RHOBTB1: variants seen among roughly 807,000 people sequenced by gnomAD.
RHOBTB1 encodes the protein Rho related BTB domain containing 1.
Under a neutral mutation model 71.6 loss-of-function variants are expected in RHOBTB1, and 40 were observed. The ratio of observed to expected loss-of-function variants is 0.56; its 90% CI spans 0.43 to 0.73. The LOEUF (loss-of-function observed/expected upper bound fraction) is 0.73. Ranked by LOEUF, RHOBTB1 falls within the 30% of genes least tolerant of loss-of-function variation. The pLI is 0.00. For synonymous variants in RHOBTB1, 319 were observed against 334.9 expected (o/e 0.95, Z 0.52); for missense variants, 797 against 894.0 (o/e 0.89, Z 1.38).
At chr10:60,879,890 G>T (rs1025036035) in intron 7 of RHOBTB1, among the ~76,000 whole-genome samples, 1 of 152,008 alleles carries the variant, frequency 6.6e-6, no homozygotes, top group African/African-American at 2.4e-5. Flanking sequence ...ACCAACTGTA[G>T]ATCAAAAATA....
At position 60,888,764 on chromosome 10, in the gene RHOBTB1, C is replaced by T. The variant is rs1415046350; in HGVS notation, c.904G>A (p.Glu302Lys). 1 of 1,614,066 alleles carries T rather than the reference C, an allele frequency of 6.2e-7. No homozygotes were observed. The highest frequency in any genetic ancestry group is 8.5e-7 in the Non-Finnish European group (1 of 1,180,034). Residue 302 changes from glutamate (E) to lysine (K), a missense_variant, in exon 6 of 11, where the codon GAA (glutamate) becomes AAA (lysine). Transcript: ENST00000337910. Reference protein sequence around the residue: ...FYDLFLMECEESPNGSEGACE... With the variant: ...FYDLFLMECEKSPNGSEGACE... ...GCTCCTTCACTCCCATTTGGGGATT[C>T]TTCACATTCCATTAAAAACAGATCA...
chr10:60,906,791 A>C (rs1252252674), intron 4 of RHOBTB1, among the ~76,000 whole-genome samples: 1 of 152,076 alleles, frequency 6.6e-6, no homozygotes, highest in Non-Finnish European at 1.5e-5. Context: ...CAATGAAGGA[A>C]ATTTTATAGG....
intron 5 of RHOBTB1, among the ~76,000 whole-genome samples, chr10:60,890,220 T>C (rs927685588): frequency 6.6e-6 from 1 of 152,050 alleles, no homozygotes; most frequent in African/African-American, 2.4e-5. Flanking sequence ...TTTGCCTTCT[T>C]TTTTCCTCCA....
chr10:60,957,246 C>T (rs148508448), intron 2 of RHOBTB1, among the ~76,000 whole-genome samples: 145 of 152,222 alleles, frequency 9.5e-4, no homozygotes, highest in African/African-American at 3.3e-3. Flanking sequence ...CCTTGTTATC[C>T]TTATCAAATA....
chr10:60,944,370 T>A (rs2085119759), upstream of RHOBTB1: 1 of 152,244 alleles, frequency 6.6e-6, no homozygotes, highest in African/African-American at 2.4e-5. Context: ...CACGATTGGA[T>A]TTCATTCATG....
chr10:60,878,142 C>A, intron 7 of RHOBTB1, 84 bp from the exon 8 acceptor site: 1 of 1,091,254 alleles, frequency 9.2e-7, no homozygotes, highest in African/African-American at 1.6e-5. Flanking sequence ...TATAAATATC[C>A]TGTGTGACTT....
chr10:60,902,268 C>G (rs1051640262), intron 4 of RHOBTB1, among the ~76,000 whole-genome samples: 1 of 152,194 alleles, frequency 6.6e-6, no homozygotes, highest in East Asian at 1.9e-4. Flanking sequence ...TACAGAATCC[C>G]TAAACTTCCA....
chr10:60,868,647 C>G (rs1351732580), downstream of RHOBTB1, among the ~76,000 whole-genome samples: 1 of 152,090 alleles, frequency 6.6e-6, no homozygotes, highest in Non-Finnish European at 1.5e-5. Context: ...CTGTGGTTCT[C>G]AAAATGCCAG....
intron 2 of RHOBTB1, among the ~76,000 whole-genome samples, chr10:60,957,037 T>C (rs1262864210): frequency 6.6e-6 from 1 of 152,218 alleles, no homozygotes; most frequent in African/African-American, 2.4e-5. Context: ...CATTTTGCTA[T>C]ATTTATAACA....
At chr10:60,998,488 C>T (rs1324486013) in intron 1 of RHOBTB1, among the ~76,000 whole-genome samples, 2 of 152,056 alleles carry the variant, frequency 1.3e-5, no homozygotes, top group Middle Eastern at 3.2e-3. Flanking sequence ...TAAGAGACTT[C>T]GGTTTGTAAT....
chr10:60,868,451 G>GT (rs1303034689), downstream of RHOBTB1, among the ~76,000 whole-genome samples: 1 of 152,120 alleles, frequency 6.6e-6, no homozygotes, highest in Non-Finnish European at 1.5e-5. Context: ...GATTCACTTT[G>GT]TTTTTTCCCT....
intron 2 of RHOBTB1, among the ~76,000 whole-genome samples, chr10:60,931,791 A>G (rs1421589436): frequency 2.0e-5 from 3 of 152,176 alleles, no homozygotes; most frequent in African/African-American, 7.2e-5. Flanking sequence ...ACAGGAATCA[A>G]AATGATGTTT....
chr10:60,944,598 C>A (rs988785260), upstream of RHOBTB1, among the ~76,000 whole-genome samples: 1 of 152,274 alleles, frequency 6.6e-6, no homozygotes, highest in African/African-American at 2.4e-5. Context: ...CACTCCCGTG[C>A]CTTTGCTGGC....
chr10:61,000,639 T>C (rs1272166427), intron 1 of RHOBTB1, among the ~76,000 whole-genome samples: 1 of 152,092 alleles, frequency 6.6e-6, no homozygotes, highest in Non-Finnish European at 1.5e-5. Flanking sequence ...AAAATAAAAC[T>C]CAATTTAAAC....
chr10:60,923,607 G>C (rs1017060098), intron 2 of RHOBTB1, among the ~76,000 whole-genome samples: 2 of 152,160 alleles, frequency 1.3e-5, no homozygotes, highest in African/African-American at 4.8e-5. Context: ...GCAATCTCTT[G>C]AATAGTATGC....
intron 2 of RHOBTB1, among the ~76,000 whole-genome samples, chr10:60,924,239 G>A (rs1188532001): frequency 2.0e-5 from 3 of 150,146 alleles, no homozygotes; most frequent in Non-Finnish European, 4.4e-5. Context: ...TGATACGAAT[G>A]ACTATAAATT....
At chr10:60,912,387 C>A (rs535532303) in intron 2 of RHOBTB1, among the ~76,000 whole-genome samples, 2 of 152,240 alleles carry the variant, frequency 1.3e-5, no homozygotes, top group South Asian at 4.2e-4. Flanking sequence ...GTGCCCACCA[C>A]CATGCCCGGC....
chr10:60,927,644 G>A (rs369609309), intron 2 of RHOBTB1, among the ~76,000 whole-genome samples: 8 of 152,266 alleles, frequency 5.3e-5, no homozygotes, highest in African/African-American at 1.9e-4. Flanking sequence ...ATGATGCTGG[G>A]AAAACTGGCT....
At chr10:60,926,882 C>T (rs1167579122) in intron 2 of RHOBTB1, among the ~76,000 whole-genome samples, 1 of 152,060 alleles carries the variant, frequency 6.6e-6, no homozygotes, top group Non-Finnish European at 1.5e-5. Flanking sequence ...CTAGTCAGAG[C>T]AATTGGACAT....
Sources: allele counts gnomAD v4.1 joint callset (sites outside exome capture counted in the v4.1 genomes callset), GRCh38; gene constraint gnomAD v4.1.1; transcripts MANE v1.5; gene names NCBI Gene and HGNC (gene_info 2026-07-23, HGNC 2026-07-21).